The following LONRF2 variants were observed in gnomAD, a reference collection of about 807,000 sequenced individuals.
LONRF2 encodes LON peptidase N-terminal domain and RING finger protein 2.
A neutral mutation model predicts 66.6 loss-of-function variants in LONRF2; 35 were observed. The observed-to-expected ratio is 0.53, with a 90% CI of 0.40 to 0.70. The LOEUF (loss-of-function observed/expected upper bound fraction) is 0.70, where lower values mean the gene tolerates loss of function less well. LONRF2 is among the 30% of genes least tolerant of loss of function. The pLI is 0.00. For synonymous variants in LONRF2, 417 were observed against 418.1 expected (o/e 1.00, Z 0.03); for missense variants, 902 against 1,002.1 (o/e 0.90, Z 1.35).
intron 9 of LONRF2, among the ~76,000 whole-genome samples, chr2:100,292,103 T>C (rs1006182353): frequency 1.3e-5 from 2 of 152,226 alleles, no homozygotes; most frequent in Admixed American, 6.5e-5. Context: ...CCTCTACTTA[T>C]ATACTTAATA....
At chr2:100,290,173 T>C (rs1674929794) in intron 10 of LONRF2, 85 bp downstream of exon 10, 2 of 1,287,256 alleles carry the variant, frequency 1.6e-6, no homozygotes, top group Non-Finnish European at 2.2e-6. Flanking sequence ...ATATTGTCAG[T>C]ACAAGTTTGA....
In LONRF2 at chr2:100,275,925, C is replaced by T. The variant is rs887288171; in HGVS notation, c.*8373G>A. The T allele has an allele frequency of 1.3e-5, 2 of 152,174 alleles. No individual in the cohort carries two copies. Among genetic ancestry groups the T allele is most frequent in the African/African-American group, 4.8e-5 (2 of 41,426 alleles). The allele number at this position is 152,174 out of a possible 1,614,324, so 9.4% of individuals were successfully genotyped here. On this transcript the variant is annotated 3_prime_UTR_variant, in exon 12 of 12. Transcript: ENST00000393437. ...GTATTTATGCGTGTGAGTGCATATA[C>T]ATACACATACACACATATATACACA...
At chr2:100,303,088 G>T in intron 2 of LONRF2, 45 bp from the exon 3 acceptor site, 1 of 1,513,178 alleles carries the variant, frequency 6.6e-7, no homozygotes, top group Non-Finnish European at 8.9e-7. Flanking sequence ...AACCCAGCAT[G>T]ATTATATACT....
In LONRF2 at chr2:100,275,609, C is replaced by T. The variant is rs553529880; in HGVS notation, c.*8689G>A. 28 of 152,290 alleles carry T rather than the reference C, an allele frequency of 1.8e-4. No individual in the cohort carries two copies. The highest frequency in any genetic ancestry group is 8.3e-4 in the South Asian group (4 of 4,824). 9.4% of individuals were successfully genotyped at this position (152,290 alleles called of 1,614,324 possible). A position where few individuals can be genotyped will look rare whatever the true frequency, so the allele number is the denominator to read the frequency against. On this transcript the variant is annotated 3_prime_UTR_variant, in exon 12 of 12. Coordinates refer to ENST00000393437, the MANE Select transcript of LONRF2 (RefSeq NM_198461.4). ...AGCTGTTGTGACTCATTCCTCAATCCGGTGGGATGCAAAGGATCTATCCAT... is the reference window on the plus strand; with the variant it reads ...AGCTGTTGTGACTCATTCCTCAATCTGGTGGGATGCAAAGGATCTATCCAT...
At position 100,276,664 on chromosome 2, in the gene LONRF2, T is replaced by C. The variant is rs1480881163; in HGVS notation, c.*7634A>G. The C allele has an allele frequency of 6.6e-6, 1 of 152,200 alleles. No homozygotes were observed. Among genetic ancestry groups the C allele is most frequent in the Non-Finnish European group, 1.5e-5 (1 of 68,036 alleles). The allele number at this position is 152,200 out of a possible 1,614,324, so 9.4% of individuals were successfully genotyped here. The stretch of plus-strand genomic sequence containing the variant: ...CCTGGAAAAAAACAAGTGTGCCTCA[T>C]GGTGGATTACTACAACCTTATTGCT... On this transcript the variant is annotated 3_prime_UTR_variant, in exon 12 of 12. Coordinates refer to ENST00000393437, the MANE Select transcript of LONRF2 (RefSeq NM_198461.4).
chr2:100,284,632 T>C (rs1674807884), intron 11 of LONRF2, 140 bp from the exon 12 acceptor site: 1 of 662,090 alleles, frequency 1.5e-6, no homozygotes, highest in African/African-American at 1.9e-5. Context: ...CACAATTCAT[T>C]CAGCTCTCAA....
chr2:100,287,528 C>T (rs1674872028), intron 10 of LONRF2, among the ~76,000 whole-genome samples: 4 of 152,136 alleles, frequency 2.6e-5, no homozygotes, highest in Non-Finnish European at 5.9e-5. Context: ...GACAGAATTA[C>T]CAAGTCAAAG....
At chr2:100,300,595 T>C in intron 4 of LONRF2, 49 bp downstream of exon 4, 1 of 1,537,078 alleles carries the variant, frequency 6.5e-7, no homozygotes, top group Admixed American at 2.1e-5. Flanking sequence ...ATGAAGCCAT[T>C]ATGTAAAGCT....
At chr2:100,302,856 C>A in intron 3 of LONRF2, 65 bp downstream of exon 3, 1 of 1,405,150 alleles carries the variant, frequency 7.1e-7, no homozygotes, top group South Asian at 1.7e-5. Context: ...GCAAGGGTTA[C>A]TCAGCATGGA....
chr2:100,311,304 T>A (rs1299993292), intron 1 of LONRF2, among the ~76,000 whole-genome samples: 1 of 151,838 alleles, frequency 6.6e-6, no homozygotes, highest in African/African-American at 2.4e-5. Context: ...GGGAAAAAAA[T>A]GTAATACTTA....
At chr2:100,316,079 G>C (rs1275944924) in intron 1 of LONRF2, among the ~76,000 whole-genome samples, 1 of 152,050 alleles carries the variant, frequency 6.6e-6, no homozygotes, top group African/African-American at 2.4e-5. Flanking sequence ...CCAGCACTTT[G>C]GGAGGCAGAG....
At chr2:100,284,522 T>A (rs1674805539) in intron 11 of LONRF2, 30 bp from the exon 12 acceptor site, 2 of 1,495,800 alleles carry the variant, frequency 1.3e-6, no homozygotes, top group East Asian at 4.9e-5. Context: ...AAAGCAAGGT[T>A]AACACTGGAA....
rs1675628151 is a variant in LONRF2 at position 100,321,584 on chromosome 2, C to A, written c.510G>T (p.Gly170=). Reference sequence around the variant, plus strand: ...CGCGCCGCACCTGCGGCCGCGCGGGCCCTGGCTCCACGCAGCGCTTGCAGA... The same window carrying A: ...CGCGCCGCACCTGCGGCCGCGCGGGACCTGGCTCCACGCAGCGCTTGCAGA... ...LTVCKRCVEP[G]PARPQVRRVN... The change falls in exon 1 of 12, where the codon GGG becomes GGT. Residue 170 remains glycine (G), a synonymous_variant. Coordinates refer to ENST00000393437, the MANE Select transcript of LONRF2 (RefSeq NM_198461.4). 2 of 1,529,892 alleles carry A rather than the reference C, an allele frequency of 1.3e-6. No individual in the cohort carries two copies. Among genetic ancestry groups the A allele is most frequent in the Non-Finnish European group, 1.7e-6 (2 of 1,150,750 alleles). 94.8% of individuals were successfully genotyped at this position (1,529,892 alleles called of 1,614,324 possible). A position where few individuals can be genotyped will look rare whatever the true frequency, so the allele number is the denominator to read the frequency against.
At chr2:100,303,752 C>A (rs1675231377) in intron 2 of LONRF2, among the ~76,000 whole-genome samples, 1 of 152,048 alleles carries the variant, frequency 6.6e-6, no homozygotes, top group Admixed American at 6.5e-5. Context: ...TCAAGACTTT[C>A]CTTTTATCTT....
chr2:100,307,039 G>A lies in LONRF2; in HGVS notation c.798+2068C>T, dbSNP rs56788165. On this transcript the variant is annotated intron_variant, in intron 2 of 11. Transcript: ENST00000393437. ...GGGTTGACGCCATTCTCCTGCCTCC[G>A]CCTCCCGAGTAGCTGGGACTACAGG... Among the ~76,000 whole-genome samples, 7 of 151,014 alleles carry A rather than the reference G, an allele frequency of 4.6e-5. No individual in the cohort carries two copies. The East Asian group carries it at 7.8e-4, about 17-fold the overall frequency.
rs185058253 is a variant in LONRF2, at chr2:100,304,675, G to A, written c.799-1632C>T. ...GTCTTGCTCGCTCGTCCAGGCTGGCGTGCAGTGGTACAATCATGGCTCATT... is the reference window on the plus strand; with the variant it reads ...GTCTTGCTCGCTCGTCCAGGCTGGCATGCAGTGGTACAATCATGGCTCATT... On this transcript the variant is annotated intron_variant, in intron 2 of 11. Transcript: ENST00000393437. Among the ~76,000 whole-genome samples the A allele has an allele frequency of 6.5e-3, 888 of 136,872 alleles. 7 individuals carry two copies. Among genetic ancestry groups the A allele is most frequent in the Middle Eastern group, 8.9e-3 (2 of 224 alleles). 89.8% of individuals were successfully genotyped at this position (136,872 alleles called of 152,430 possible). A position where few individuals can be genotyped will look rare whatever the true frequency, so the allele number is the denominator to read the frequency against.
At chr2:100,297,942 T>C (rs886194565) in intron 7 of LONRF2, among the ~76,000 whole-genome samples, 1 of 152,154 alleles carries the variant, frequency 6.6e-6, no homozygotes, top group Non-Finnish European at 1.5e-5. Context: ...TCTCATCTTA[T>C]CACATCAGAT....
At chr2:100,299,974 G>C in intron 4 of LONRF2, 56 bp from the exon 5 acceptor site, 2 of 830,470 alleles carry the variant, frequency 2.4e-6, no homozygotes, top group Admixed American at 2.6e-5. Context: ...TAGCATAAGA[G>C]AAAAAGAATG....
Position 100,282,638 on chromosome 2 carries a change from T to C in LONRF2, c.*1660A>G, listed in dbSNP as rs1299999694. ...TTAATGCATAAATTAATAAAATCTC[T>C]TAGAAATCACTTGGCCAAACTGCCA... On this transcript the variant is annotated 3_prime_UTR_variant, in exon 12 of 12. Transcript: ENST00000393437. 1 of 152,218 alleles carries C rather than the reference T, an allele frequency of 6.6e-6. No homozygotes were observed. 9.4% of individuals were successfully genotyped at this position (152,218 alleles called of 1,614,324 possible).
Sources: gnomAD v4.1 joint callset for allele counts (sites outside exome capture counted in the v4.1 genomes callset) on GRCh38, gnomAD v4.1.1 for gene constraint, MANE v1.5 for transcripts, NCBI Gene and HGNC (gene_info 2026-07-23, HGNC 2026-07-21) for gene names.